The following GABRG3 variants were observed in gnomAD, a reference collection of about 807,000 sequenced individuals.
GABRG3 encodes gamma-aminobutyric acid receptor subunit gamma-3.
A neutral mutation model predicts 48.8 loss-of-function variants in GABRG3; 25 were observed. The ratio of observed to expected loss-of-function variants is 0.51; its 90% CI spans 0.37 to 0.72. GABRG3 has a LOEUF of 0.72. Ranked by LOEUF, GABRG3 falls within the 30% of genes least tolerant of loss-of-function variation. GABRG3 has a pLI of 0.00. For missense variants in GABRG3, 394 were observed against 577.9 expected, an observed-to-expected ratio of 0.68 and a Z score of 3.26; for synonymous variants, 227 against 217.6, an observed-to-expected ratio of 1.04 and a Z score of -0.38.
chr15:27,448,810 C>G (rs11857694), intron 5 of GABRG3, among the ~76,000 whole-genome samples: 3 of 151,084 alleles, frequency 2.0e-5, no homozygotes, highest in Non-Finnish European at 1.5e-5. Flanking sequence ...CATGCACACA[C>G]ACAAAATAAG....
At chr15:27,097,491 C>G (rs1438307842) in intron 3 of GABRG3, among the ~76,000 whole-genome samples, 1 of 151,932 alleles carries the variant, frequency 6.6e-6, no homozygotes, top group Non-Finnish European at 1.5e-5. Context: ...CCTTTACTTC[C>G]TTTGTTTTTC....
At chr15:27,433,672 A>G (rs1316736355) in intron 5 of GABRG3, among the ~76,000 whole-genome samples, 1 of 152,178 alleles carries the variant, frequency 6.6e-6, no homozygotes, top group Admixed American at 6.5e-5. Context: ...GTTTAGGGCT[A>G]GTATTGTATG....
chr15:27,330,631 A>G (rs1162635181), intron 5 of GABRG3, among the ~76,000 whole-genome samples: 2 of 152,394 alleles, frequency 1.3e-5, no homozygotes, highest in African/African-American at 2.4e-5. Flanking sequence ...GCTGCCAGAA[A>G]GAATAGTGCT....
intron 2 of GABRG3, among the ~76,000 whole-genome samples, chr15:27,022,889 T>C (rs1170149887): frequency 4.6e-5 from 7 of 152,154 alleles, no homozygotes. Context: ...TGCTTTAGTG[T>C]TGTGACAGAG....
chr15:27,307,066 T>C (rs1275667412), intron 3 of GABRG3, among the ~76,000 whole-genome samples: 1 of 125,774 alleles, frequency 8.0e-6, no homozygotes, highest in African/African-American at 3.3e-5. Flanking sequence ...TAAACATGTA[T>C]AATATAAACA....
At chr15:27,431,665 T>G (rs981767462) in intron 5 of GABRG3, among the ~76,000 whole-genome samples, 1 of 152,224 alleles carries the variant, frequency 6.6e-6, no homozygotes, top group Non-Finnish European at 1.5e-5. Flanking sequence ...GTAGACACCC[T>G]TTATCACTGT....
At chr15:27,058,890 A>G (rs942842154) in intron 3 of GABRG3, among the ~76,000 whole-genome samples, 1 of 152,216 alleles carries the variant, frequency 6.6e-6, no homozygotes, top group African/African-American at 2.4e-5. Context: ...AAAAGCTCTT[A>G]GACTAAATGC....
rs1891567831 is a variant in GABRG3 at position 27,537,217 on chromosome 15, C to T, written c.*4336C>T. On this transcript the variant is annotated 3_prime_UTR_variant, in exon 10 of 10. Transcript: ENST00000615808. ...GTTAAGTTCTATTTGTACTGAAACA[C>T]TGTCCACCTTAGACTTTAGAACACT... The T allele has an allele frequency of 6.6e-6, 1 of 151,662 alleles. No homozygotes were observed. Among genetic ancestry groups the T allele is most frequent in the South Asian group, 2.1e-4 (1 of 4,810 alleles). The allele number at this position is 151,662 out of a possible 1,614,324, so 9.4% of individuals were successfully genotyped here. A position where few individuals can be genotyped will look rare whatever the true frequency, so the allele number is the denominator to read the frequency against.
intron 3 of GABRG3, among the ~76,000 whole-genome samples, chr15:27,095,839 C>T (rs747810561): frequency 2.0e-5 from 3 of 152,104 alleles, no homozygotes; most frequent in African/African-American, 7.2e-5. Context: ...CACACCAACC[C>T]GTTTTCAGAC....
intron 5 of GABRG3, among the ~76,000 whole-genome samples, chr15:27,425,282 C>A (rs1336563684): frequency 6.6e-6 from 1 of 151,914 alleles, no homozygotes; most frequent in African/African-American, 2.4e-5. Flanking sequence ...AGTTCTGAGT[C>A]CTTCTAGTGA....
intron 3 of GABRG3, among the ~76,000 whole-genome samples, chr15:27,286,008 A>G (rs904566749): frequency 6.6e-6 from 1 of 152,204 alleles, no homozygotes; most frequent in Non-Finnish European, 1.5e-5. Context: ...TTAGGTTGGG[A>G]TCTTACTTAG....
At chr15:26,984,450 T>G (rs572780194) in intron 2 of GABRG3, among the ~76,000 whole-genome samples, 1 of 152,340 alleles carries the variant, frequency 6.6e-6, no homozygotes, top group South Asian at 2.1e-4. Flanking sequence ...TTAGTTTTCA[T>G]AATACAAATT....
chr15:27,165,720 A>G (rs1887348917), intron 3 of GABRG3, among the ~76,000 whole-genome samples: 1 of 152,034 alleles, frequency 6.6e-6, no homozygotes, highest in Admixed American at 6.6e-5. Flanking sequence ...AAACCAATAT[A>G]AACTGCTGGT....
rs562220047 is a variant in GABRG3 at position 27,500,001 on chromosome 15, A to T, written c.712+19214A>T. Among the ~76,000 whole-genome samples, 5 of 152,270 alleles carry T rather than the reference A, an allele frequency of 3.3e-5. No individual in the cohort carries two copies. In the South Asian group the frequency reaches 1.0e-3, roughly 32 times the overall value. On this transcript the variant is annotated intron_variant, in intron 6 of 9. Coordinates refer to ENST00000615808, the MANE Select transcript of GABRG3 (RefSeq NM_033223.5). Reference sequence around the variant, plus strand: ...GATGCACAGTGTGTCCCCGCTGCAAAAAGAGGGTCAGTGTCTGGAACACAC... The same window carrying T: ...GATGCACAGTGTGTCCCCGCTGCAATAAGAGGGTCAGTGTCTGGAACACAC...
At chr15:27,436,562 A>T (rs1439368637) in intron 5 of GABRG3, among the ~76,000 whole-genome samples, 1 of 152,272 alleles carries the variant, frequency 6.6e-6, no homozygotes, top group Non-Finnish European at 1.5e-5. Context: ...ACATAGTAAC[A>T]TGGTAACATG....
chr15:27,501,656 C>T (rs543898580), intron 6 of GABRG3, among the ~76,000 whole-genome samples: 1 of 152,028 alleles, frequency 6.6e-6, no homozygotes, highest in African/African-American at 2.4e-5. Flanking sequence ...ACGATCTGAG[C>T]GGATTTATAC....
intron 3 of GABRG3, among the ~76,000 whole-genome samples, chr15:27,275,164 A>G (rs992410764): frequency 2.0e-5 from 3 of 152,224 alleles, no homozygotes; most frequent in African/African-American, 7.2e-5. Context: ...AGGGGCATTA[A>G]TGAACTCAGC....
At chr15:27,523,152 G>A (rs1595809873) in intron 7 of GABRG3, among the ~76,000 whole-genome samples, 1 of 151,844 alleles carries the variant, frequency 6.6e-6, no homozygotes, top group Admixed American at 6.6e-5. Context: ...GATTATATTA[G>A]ATTAGATAAA....
intron 3 of GABRG3, among the ~76,000 whole-genome samples, chr15:27,214,885 C>T (rs537379890): frequency 7.2e-5 from 11 of 152,154 alleles, no homozygotes; most frequent in South Asian, 4.2e-4. Flanking sequence ...GTCTGTTCTT[C>T]GAAAAACAAA....
Sources: allele counts gnomAD v4.1 joint callset (sites outside exome capture counted in the v4.1 genomes callset), GRCh38; gene constraint gnomAD v4.1.1; transcripts MANE v1.5; gene names NCBI Gene and HGNC (gene_info 2026-07-23, HGNC 2026-07-21).